KCNC2: variants seen among roughly 807,000 people sequenced by gnomAD.
KCNC2 encodes the protein potassium voltage-gated channel subfamily C member 2.
In KCNC2, 21 loss-of-function variants were observed where a neutral mutation model predicts 44.5. The observed-to-expected ratio is 0.47, with a 90% confidence interval of 0.33 to 0.68. The LOEUF (loss-of-function observed/expected upper bound fraction) is 0.68, where lower values mean the gene tolerates loss of function less well. Ranked by LOEUF, KCNC2 falls within the 30% of genes least tolerant of loss-of-function variation. KCNC2 has a pLI of 0.01. For synonymous variants in KCNC2, 391 were observed against 339.1 expected, an observed-to-expected ratio of 1.15 and a Z score of -1.68; for missense variants, 589 against 826.2, an observed-to-expected ratio of 0.71 and a Z score of 3.52.
At chr12:75,154,311 G>A (rs947896271) in intron 2 of KCNC2, among the ~76,000 whole-genome samples, 3 of 151,944 alleles carry the variant, frequency 2.0e-5, no homozygotes, top group Non-Finnish European at 4.4e-5. Context: ...TGAAATACTG[G>A]CATCTCAAAC....
Position 75,042,503 on chromosome 12 carries a change from G to T in KCNC2, c.*602C>A, listed in dbSNP as rs116809020. The T allele has an allele frequency of 5.6e-6, 8 of 1,433,200 alleles. No individual in the cohort carries two copies. The East Asian group carries it at 1.8e-4, about 32-fold the overall frequency. The allele number at this position is 1,433,200 out of a possible 1,614,324, so 88.8% of individuals were successfully genotyped here. ...AATAATAAGAAAAAAATGTCAAGGA[G>T]AAAAGTGCCCTCCCTGCCCCACAAT... On this transcript the variant is annotated 3_prime_UTR_variant, in exon 5 of 5. Transcript: ENST00000549446.
At chr12:75,201,267 A>AC (rs1357644107) in intron 2 of KCNC2, among the ~76,000 whole-genome samples, 44 of 66,784 alleles carry the variant, frequency 6.6e-4, no homozygotes, top group African/African-American at 3.4e-3. Flanking sequence ...AATTGGAAAA[A>AC]AAAAAAAAAA....
intron 2 of KCNC2, among the ~76,000 whole-genome samples, chr12:75,117,073 T>G (rs1293966651): frequency 2.0e-5 from 3 of 148,178 alleles, no homozygotes; most frequent in Non-Finnish European, 3.0e-5. Context: ...TAATTGGGCT[T>G]TCTTGCATTG....
intron 2 of KCNC2, among the ~76,000 whole-genome samples, chr12:75,204,419 A>T (rs371854199): frequency 6.6e-6 from 1 of 152,088 alleles, no homozygotes; most frequent in East Asian, 1.9e-4. Flanking sequence ...AAGCACATCT[A>T]TTATATAACT....
intron 2 of KCNC2, among the ~76,000 whole-genome samples, chr12:75,206,971 C>G (rs1397271365): frequency 6.6e-6 from 1 of 152,182 alleles, no homozygotes; most frequent in East Asian, 1.9e-4. Flanking sequence ...GAGGGAGAAA[C>G]TCGAGATGAA....
At chr12:75,142,951 T>C (rs1489257713) in intron 2 of KCNC2, among the ~76,000 whole-genome samples, 2 of 152,178 alleles carry the variant, frequency 1.3e-5, no homozygotes, top group Admixed American at 1.3e-4. Flanking sequence ...TCCCTCGCAC[T>C]CCTTTTACTT....
At chr12:75,097,728 G>A (rs1331288148) in intron 2 of KCNC2, among the ~76,000 whole-genome samples, 1 of 152,108 alleles carries the variant, frequency 6.6e-6, no homozygotes. Context: ...CAAGGACTTT[G>A]AAGACAGATA....
chr12:75,071,628 A>T (rs1883409352), intron 2 of KCNC2, among the ~76,000 whole-genome samples: 1 of 152,192 alleles, frequency 6.6e-6, no homozygotes, highest in Non-Finnish European at 1.5e-5. Context: ...CAAGGCCACT[A>T]TCATGAAGAA....
At chr12:75,137,251 T>A (rs1036043132) in intron 2 of KCNC2, among the ~76,000 whole-genome samples, 3 of 152,106 alleles carry the variant, frequency 2.0e-5, no homozygotes, top group Admixed American at 2.0e-4. Flanking sequence ...TCCTCAAGGA[T>A]CTCATCCTCA....
Position 75,041,093 on chromosome 12 carries a change from CACA to C in KCNC2, c.*2009_*2011del, listed in dbSNP as rs774970807. Reference sequence around the variant, plus strand: ...GGATCTCTTCCAAGTGCAACCTGGTCACATCAGGGCACATTCAGCAGCAGAAGT... The same window carrying C: ...GGATCTCTTCCAAGTGCAACCTGGTCTCAGGGCACATTCAGCAGCAGAAGT... On this transcript the variant is annotated 3_prime_UTR_variant, in exon 5 of 5. Transcript: ENST00000549446. The C allele has an allele frequency of 5.0e-6, 8 of 1,595,344 alleles. No homozygotes were observed. Among genetic ancestry groups the C allele is most frequent in the Non-Finnish European group, 6.8e-6 (8 of 1,177,642 alleles).
intron 4 of KCNC2, among the ~76,000 whole-genome samples, chr12:75,044,246 A>G (rs1181611234): frequency 1.3e-5 from 2 of 152,050 alleles, no homozygotes; most frequent in Non-Finnish European, 2.9e-5. Flanking sequence ...GTCATGCTAC[A>G]AAGCTTTGGA....
At chr12:75,115,020 C>T (rs887502869) in intron 2 of KCNC2, among the ~76,000 whole-genome samples, 4 of 151,910 alleles carry the variant, frequency 2.6e-5, no homozygotes, top group Non-Finnish European at 5.9e-5. Context: ...CCCGCCACCA[C>T]GCCCGGCTAA....
intron 2 of KCNC2, among the ~76,000 whole-genome samples, chr12:75,072,684 A>G (rs1883538176): frequency 6.6e-6 from 1 of 152,152 alleles, no homozygotes; most frequent in Non-Finnish European, 1.5e-5. Flanking sequence ...TCTTTTATGG[A>G]CCTCAAAACA....
chr12:75,158,806 C>T (rs1443315523), intron 2 of KCNC2, among the ~76,000 whole-genome samples: 1 of 151,822 alleles, frequency 6.6e-6, no homozygotes, highest in South Asian at 2.1e-4. Flanking sequence ...TTATCTTCTA[C>T]AGATTTTATT....
chr12:75,093,961 C>T (rs1005309952), intron 2 of KCNC2, among the ~76,000 whole-genome samples: 3 of 151,586 alleles, frequency 2.0e-5, no homozygotes, highest in Non-Finnish European at 4.4e-5. Flanking sequence ...TACTTTTGCA[C>T]CAACCTAATA....
At chr12:75,085,646 T>C (rs1339673930) in intron 2 of KCNC2, among the ~76,000 whole-genome samples, 25 of 152,060 alleles carry the variant, frequency 1.6e-4, no homozygotes, top group Admixed American at 1.6e-3. Flanking sequence ...GTCACACATA[T>C]CTTCAATGAA....
intron 2 of KCNC2, among the ~76,000 whole-genome samples, chr12:75,090,065 T>G (rs1029956260): frequency 2.0e-5 from 3 of 151,736 alleles, no homozygotes; most frequent in African/African-American, 7.2e-5. Context: ...ATATCATTTT[T>G]ATTAACAAAC....
chr12:75,200,010 T>G (rs984007071), intron 2 of KCNC2, among the ~76,000 whole-genome samples: 1 of 151,562 alleles, frequency 6.6e-6, no homozygotes, highest in Non-Finnish European at 1.5e-5. Flanking sequence ...GACAATAACA[T>G]GTAAAACTAG....
chr12:75,112,252 C>T (rs1887314192), intron 2 of KCNC2, among the ~76,000 whole-genome samples: 1 of 151,762 alleles, frequency 6.6e-6, no homozygotes, highest in South Asian at 2.1e-4. Flanking sequence ...AAATTATTCT[C>T]CAACTATTAA....
Sources: gnomAD v4.1 joint callset for allele counts (sites outside exome capture counted in the v4.1 genomes callset) on GRCh38, gnomAD v4.1.1 for gene constraint, MANE v1.5 for transcripts, NCBI Gene and HGNC (gene_info 2026-07-23, HGNC 2026-07-21) for gene names.